Variants in GPR158 observed in about 807,000 individuals in gnomAD.
GPR158 encodes G protein-coupled receptor 158.
In GPR158, 30 loss-of-function variants were observed where a neutral mutation model predicts 78.2. The observed-to-expected ratio is 0.38, with a 90% CI of 0.29 to 0.52. The LOEUF (loss-of-function observed/expected upper bound fraction) is 0.52. GPR158 is among the 20% of genes least tolerant of loss of function. The pLI is 0.83. For missense variants in GPR158, 1,463 were observed against 1,523.5 expected, an observed-to-expected ratio of 0.96 and a Z score of 0.66; for synonymous variants, 581 against 591.1, an observed-to-expected ratio of 0.98 and a Z score of 0.25.
At chr10:25,359,236 ATACAT>A (rs1855596112) in intron 2 of GPR158, among the ~76,000 whole-genome samples, 3 of 151,978 alleles carry the variant, frequency 2.0e-5, no homozygotes, top group Non-Finnish European at 4.4e-5. Flanking sequence ...TATAGTAAAA[ATACAT>A]TACATGAAAG....
chr10:25,511,573 T>C (rs930366937), intron 5 of GPR158, among the ~76,000 whole-genome samples: 1 of 152,218 alleles, frequency 6.6e-6, no homozygotes. Context: ...TTGTTTTTGT[T>C]GCATTTGCTT....
intron 5 of GPR158, among the ~76,000 whole-genome samples, chr10:25,496,714 G>A (rs771353917): frequency 1.3e-5 from 2 of 152,282 alleles, no homozygotes; most frequent in Non-Finnish European, 2.9e-5. Context: ...CTGTTAACTC[G>A]TATTCAGTAA....
intron 2 of GPR158, among the ~76,000 whole-genome samples, chr10:25,296,064 A>AAC (rs1007664763): frequency 1.1e-4 from 17 of 151,748 alleles, no homozygotes; most frequent in African/African-American, 3.9e-4. Flanking sequence ...AAAAAAAAAA[A>AAC]AAAAACCTAA....
chr10:25,405,283 A>G (rs1834497656), intron 3 of GPR158, among the ~76,000 whole-genome samples: 1 of 152,024 alleles, frequency 6.6e-6, no homozygotes, highest in Admixed American at 6.6e-5. Flanking sequence ...CATTAATTAT[A>G]TAAATTTAAC....
intron 4 of GPR158, among the ~76,000 whole-genome samples, chr10:25,432,013 TAAAAAA>T (rs66505370): frequency 0.58 from 87,550 of 150,470 alleles, 26,578 homozygotes; most frequent in Non-Finnish European, 0.68. Flanking sequence ...AATAATAAAA[TAAAAAA>T]AAATGCAAAG....
At chr10:25,393,156 T>C (rs978551922) in intron 2 of GPR158, among the ~76,000 whole-genome samples, 3 of 152,356 alleles carry the variant, frequency 2.0e-5, no homozygotes, top group Admixed American at 1.3e-4. Context: ...ACATTCATTT[T>C]TTTATGTTGG....
chr10:25,233,568 T>A (rs1853481952), intron 2 of GPR158, among the ~76,000 whole-genome samples: 1 of 152,244 alleles, frequency 6.6e-6, no homozygotes. Context: ...ACCCTGCTTA[T>A]GGGCTATGCT....
At chr10:25,550,094 G>A (rs975634323) in intron 5 of GPR158, among the ~76,000 whole-genome samples, 2 of 152,186 alleles carry the variant, frequency 1.3e-5, no homozygotes, top group Admixed American at 6.5e-5. Flanking sequence ...AGCATATGAA[G>A]AGTAGTGGAG....
chr10:25,555,752 AC>A (rs1001658695), intron 6 of GPR158, among the ~76,000 whole-genome samples: 6 of 151,898 alleles, frequency 4.0e-5, no homozygotes, highest in African/African-American at 2.4e-5. Flanking sequence ...GAAAAAAAAA[AC>A]AAAATACTTT....
intron 7 of GPR158, among the ~76,000 whole-genome samples, chr10:25,587,981 T>C (rs368518489): frequency 6.6e-6 from 1 of 152,198 alleles, no homozygotes; most frequent in Admixed American, 6.5e-5. Flanking sequence ...AACTTTCTTA[T>C]TAGACACTAT....
chr10:25,225,300 C>T (rs1352269186), intron 2 of GPR158, among the ~76,000 whole-genome samples: 1 of 151,552 alleles, frequency 6.6e-6, no homozygotes, highest in Non-Finnish European at 1.5e-5. Context: ...GGTCACACAG[C>T]ATCTCATGAA....
chr10:25,356,495 G>C (rs867904419), intron 2 of GPR158, among the ~76,000 whole-genome samples: 2 of 152,056 alleles, frequency 1.3e-5, no homozygotes, highest in South Asian at 4.1e-4. Flanking sequence ...ATTTCCACTT[G>C]TTGTGGGAGG....
intron 3 of GPR158, among the ~76,000 whole-genome samples, chr10:25,411,717 C>T (rs138124803): frequency 0.021 from 3,138 of 151,984 alleles, 121 homozygotes; most frequent in African/African-American, 0.073. Flanking sequence ...GGGCGGATCA[C>T]AAGGTCCGGA....
At chr10:25,243,579 C>T (rs1053551949) in intron 2 of GPR158, among the ~76,000 whole-genome samples, 1 of 152,118 alleles carries the variant, frequency 6.6e-6, no homozygotes, top group African/African-American at 2.4e-5. Flanking sequence ...TATCACCTTC[C>T]CTGGAAAGAC....
intron 2 of GPR158, among the ~76,000 whole-genome samples, chr10:25,379,581 C>T (rs887988002): frequency 2.7e-5 from 4 of 150,280 alleles, no homozygotes; most frequent in Non-Finnish European, 4.4e-5. Flanking sequence ...TCTTCAGCTT[C>T]TGCTTAGTTT....
intron 2 of GPR158, among the ~76,000 whole-genome samples, chr10:25,281,394 C>T (rs1382606768): frequency 2.0e-5 from 3 of 146,380 alleles, no homozygotes; most frequent in African/African-American, 7.6e-5. Context: ...TAAAACCTCA[C>T]CTCTACCAAA....
chr10:25,460,469 A>G (rs1410642088), intron 4 of GPR158, among the ~76,000 whole-genome samples: 1 of 152,220 alleles, frequency 6.6e-6, no homozygotes, highest in African/African-American at 2.4e-5. Flanking sequence ...TGCTGGGATT[A>G]CAGGCTTGAG....
chr10:25,376,709 A>G (rs1028678344), intron 2 of GPR158, among the ~76,000 whole-genome samples: 3 of 151,568 alleles, frequency 2.0e-5, no homozygotes, highest in African/African-American at 7.3e-5. Context: ...CAGATTCTAG[A>G]TTTCTGAAAA....
intron 5 of GPR158, among the ~76,000 whole-genome samples, chr10:25,490,581 T>C (rs1835793728): frequency 6.7e-6 from 1 of 149,984 alleles, no homozygotes; most frequent in African/African-American, 2.5e-5. Context: ...CTGAGAATGA[T>C]GATTTCCAAT....
Sources: allele counts gnomAD v4.1 joint callset (sites outside exome capture counted in the v4.1 genomes callset), GRCh38; gene constraint gnomAD v4.1.1; transcripts MANE v1.5; gene names NCBI Gene and HGNC (gene_info 2026-07-23, HGNC 2026-07-21).